Variants in GIGYF2 observed in about 807,000 individuals in gnomAD.
GIGYF2 encodes GRB10 interacting GYF protein 2.
Under a neutral mutation model 208.1 loss-of-function variants are expected in GIGYF2, and 25 were observed. The observed-to-expected ratio is 0.12, with a 90% CI of 0.09 to 0.17. The LOEUF (loss-of-function observed/expected upper bound fraction) is 0.17. Ranked by LOEUF, GIGYF2 falls within the 10% of genes least tolerant of loss-of-function variation. GIGYF2 has a pLI of 1.00. For missense variants in GIGYF2, 1,302 were observed against 1,579.4 expected (o/e 0.82, Z 2.98); for synonymous variants, 534 against 543.8 (o/e 0.98, Z 0.25).
chr2:232,770,070 T>G (rs2106337863), intron 8 of GIGYF2, among the ~76,000 whole-genome samples: 2 of 152,324 alleles, frequency 1.3e-5, no homozygotes, highest in South Asian at 4.1e-4. Context: ...ATAGACCCCC[T>G]TAATTGTATG....
chr2:232,752,500 G>A (rs915316916), intron 5 of GIGYF2, among the ~76,000 whole-genome samples: 4 of 152,158 alleles, frequency 2.6e-5, no homozygotes, highest in Non-Finnish European at 5.9e-5. Context: ...GCTGTTACAA[G>A]ACTGGTGTAT....
At chr2:232,712,944 G>T (rs1696494202) in intron 2 of GIGYF2, among the ~76,000 whole-genome samples, 1 of 152,102 alleles carries the variant, frequency 6.6e-6, no homozygotes, top group African/African-American at 2.4e-5. Flanking sequence ...ATAATTTTCT[G>T]CTATGAAGAA....
chr2:232,730,168 C>T lies in GIGYF2; in HGVS notation c.-43-4987C>T, dbSNP rs370536464. The T allele has an allele frequency of 4.6e-4, 684 of 1,500,322 alleles. 6 individuals are homozygous for T. The South Asian group carries it at 7.4e-3, about 16-fold the overall frequency. The allele number at this position is 1,500,322 out of a possible 1,614,324, so 92.9% of individuals were successfully genotyped here. A position where few individuals can be genotyped will look rare whatever the true frequency, so the allele number is the denominator to read the frequency against. On this transcript the variant is annotated intron_variant, in intron 2 of 28. Transcript: ENST00000373563. ...AGGTAATTGTTGAGCACCTGGAGGC[C>T]GGCAGGGCTTTTCAGGTCTCTGAAA...
chr2:232,769,540 A>G (rs1180657090), intron 8 of GIGYF2, among the ~76,000 whole-genome samples: 1 of 151,468 alleles, frequency 6.6e-6, no homozygotes, highest in African/African-American at 2.4e-5. Context: ...GATATTTTGA[A>G]GAATTTTTAA....
At chr2:232,814,575 C>CCG (rs1553616935) in intron 18 of GIGYF2, among the ~76,000 whole-genome samples, 1 of 136,096 alleles carries the variant, frequency 7.3e-6, no homozygotes, top group Non-Finnish European at 1.6e-5. Flanking sequence ...ACCCCCCCCC[C>CCG]CCAAAAAAAA....
intron 5 of GIGYF2, among the ~76,000 whole-genome samples, chr2:232,752,677 A>G (rs1698381635): frequency 6.6e-6 from 1 of 151,822 alleles, no homozygotes. Flanking sequence ...AGTAGCTGGG[A>G]CTATAGGTGC....
At position 232,806,455 on chromosome 2, in the gene GIGYF2, T is replaced by C. The variant is rs758394417; in HGVS notation, c.1640-36T>C. The C allele has an allele frequency of 2.8e-6, 4 of 1,445,830 alleles. No homozygotes were observed. The African/African-American group carries it at 5.6e-5, about 20-fold the overall frequency. The allele number at this position is 1,445,830 out of a possible 1,614,324, so 89.6% of individuals were successfully genotyped here. On this transcript the variant is annotated intron_variant, in intron 14 of 28. Transcript: ENST00000373563. This position sits in a 1 kb window ranked among gnomAD's most constrained non-coding sequence, Gnocchi z 4.0. Reference sequence around the variant, plus strand: ...TTTTTCTCTTTGAGTCTGAAAGGTTTCTTATTGTCTTTCTGTTTAATTGGT... The same window carrying C: ...TTTTTCTCTTTGAGTCTGAAAGGTTCCTTATTGTCTTTCTGTTTAATTGGT...
intron 15 of GIGYF2, 124 bp from the exon 16 acceptor site, chr2:232,809,596 A>G (rs1164355113): frequency 1.4e-6 from 1 of 702,296 alleles, no homozygotes. Context: ...TGTTTGGGTA[A>G]AAGGGTAGAG....
chr2:232,735,876 T>A, intron 3 of GIGYF2: 5 of 981,670 alleles, frequency 5.1e-6, no homozygotes, highest in Non-Finnish European at 4.8e-6. Context: ...TGATTGAAGA[T>A]CCTCTCTTCA....
chr2:232,845,667 G>C, intron 25 of GIGYF2, 65 bp from the exon 26 acceptor site: 1 of 1,332,282 alleles, frequency 7.5e-7, no homozygotes, highest in Non-Finnish European at 1.1e-6. Flanking sequence ...TATTTATGGT[G>C]TTGTACTATA....
At chr2:232,787,045 A>G in intron 8 of GIGYF2, 105 bp from the exon 9 acceptor site, 1 of 796,088 alleles carries the variant, frequency 1.3e-6, no homozygotes, top group Non-Finnish European at 2.2e-6. Flanking sequence ...CTGAATATTG[A>G]AATGGACCCA....
chr2:232,745,305 A>G (rs1698110565), intron 3 of GIGYF2, among the ~76,000 whole-genome samples: 1 of 152,144 alleles, frequency 6.6e-6, no homozygotes, highest in East Asian at 1.9e-4. Context: ...GCTCCCTGGA[A>G]ATGATTGATT....
intron 19 of GIGYF2, among the ~76,000 whole-genome samples, chr2:232,816,220 G>T (rs1201206773): frequency 1.3e-5 from 2 of 152,162 alleles, no homozygotes; most frequent in Non-Finnish European, 2.9e-5. Flanking sequence ...GCTAAATCTT[G>T]AATTTTGGTT....
Position 232,809,851 on chromosome 2 carries a change from A to G in GIGYF2, c.1898+40A>G, listed in dbSNP as rs773721604. The G allele has an allele frequency of 7.4e-6, 8 of 1,082,936 alleles. No homozygotes were observed. The South Asian group carries it at 9.9e-5, about 13-fold the overall frequency. The allele number at this position is 1,082,936 out of a possible 1,614,324, so 67.1% of individuals were successfully genotyped here. On this transcript the variant is annotated intron_variant, in intron 16 of 28. Transcript: ENST00000373563. ...GCAGTAGGATGTACTGCAGCATGAA[A>G]AAGGACTTTAAATAGAATCTGCTCT...
At chr2:232,761,458 A>G (rs779085572) in intron 8 of GIGYF2, 22 bp downstream of exon 8, 9 of 1,441,830 alleles carry the variant, frequency 6.2e-6, no homozygotes, top group African/African-American at 1.6e-5. Context: ...ACCTACACAC[A>G]TAAGGATAAA....
chr2:232,839,743 G>T, intron 22 of GIGYF2, 106 bp from the exon 23 acceptor site: 1 of 1,101,864 alleles, frequency 9.1e-7, no homozygotes, highest in South Asian at 1.3e-5. Context: ...GTGGTAAATG[G>T]AGTTGAGAGA....
At chr2:232,788,921 T>C (rs1463770336) in intron 9 of GIGYF2, among the ~76,000 whole-genome samples, 1 of 152,080 alleles carries the variant, frequency 6.6e-6, no homozygotes. Context: ...GAAAAAACAG[T>C]GTAAATGCAT....
At chr2:232,768,144 T>C in intron 8 of GIGYF2, 7 of 1,591,290 alleles carry the variant, frequency 4.4e-6, no homozygotes, top group Non-Finnish European at 5.2e-6. Context: ...AAAAAGTAGC[T>C]GCATAACTGG....
chr2:232,754,173 G>GA lies in GIGYF2; in HGVS notation c.268-2038dup, dbSNP rs1262026632. Among the ~76,000 whole-genome samples, 833 of 126,122 alleles carry GA rather than the reference G, an allele frequency of 6.6e-3. 5 individuals carry two copies. Among genetic ancestry groups the GA allele is most frequent in the African/African-American group, 0.022 (742 of 34,404 alleles). The allele number at this position is 126,122 out of a possible 152,430, so 82.7% of individuals were successfully genotyped here. A position where few individuals can be genotyped will look rare whatever the true frequency, so the allele number is the denominator to read the frequency against. ...GAGCAAGACCCCGTCTCAAAAAAAA[G>GA]AAAAAAAAAAAAGAAATAGAGTTGT... On this transcript the variant is annotated intron_variant, in intron 5 of 28. Coordinates refer to ENST00000373563, the MANE Select transcript of GIGYF2 (RefSeq NM_001103146.3).
Sources: allele counts gnomAD v4.1 joint callset (sites outside exome capture counted in the v4.1 genomes callset), GRCh38; gene constraint gnomAD v4.1.1; non-coding constraint Gnocchi (gnomAD v3.1); transcripts MANE v1.5; gene names NCBI Gene and HGNC (gene_info 2026-07-23, HGNC 2026-07-21).